FAM53A: variants seen among roughly 807,000 people sequenced by gnomAD.
FAM53A encodes family with sequence similarity 53 member A.
In FAM53A, 28 loss-of-function variants were observed where a neutral mutation model predicts 26.6. That is an observed-to-expected ratio of 1.05 (90% CI 0.78 to 1.45). The LOEUF (loss-of-function observed/expected upper bound fraction) is 1.45, where lower values mean the gene tolerates loss of function less well. Ranked by LOEUF, FAM53A falls within the 40% of genes most tolerant of loss-of-function variation. The pLI is 0.00. For synonymous variants in FAM53A, 290 were observed against 253.1 expected, an observed-to-expected ratio of 1.15 and a Z score of -1.38; for missense variants, 650 against 575.8, an observed-to-expected ratio of 1.13 and a Z score of -1.32.
At chr4:1,590,977 T>TATAC in the FAM53A span, among the ~76,000 whole-genome samples, 1 of 127,884 alleles carries the variant, frequency 7.8e-6, no homozygotes, top group Non-Finnish European at 1.7e-5. Flanking sequence ...TATATATATA[T>TATAC]ATATATATAT....
At chr4:1,614,389 G>GTGAGGGGCATGCAGAGACA (rs1714732250), downstream of FAM53A, among the ~76,000 whole-genome samples, 5 of 140,584 alleles carry the variant, frequency 3.6e-5, no homozygotes, top group African/African-American at 1.5e-4. Context: ...ATGCAGAGAC[G>GTGAGGGGCATGCAGAGACA]TGAGGGGCAT....
chr4:1,648,246 C>T (rs1266492454), intron 4 of FAM53A, among the ~76,000 whole-genome samples: 3 of 152,124 alleles, frequency 2.0e-5, no homozygotes, highest in Non-Finnish European at 2.9e-5. Flanking sequence ...TGACAGGTAA[C>T]CCAGGCTGGG....
chr4:1,610,079 T>C, the FAM53A span, among the ~76,000 whole-genome samples: 1,947 of 150,160 alleles, frequency 0.013, 143 homozygotes, highest in East Asian at 0.23. Flanking sequence ...GAGATGGGTG[T>C]CTCAGCCCCT....
At chr4:1,658,522 C>T (rs947229311) in intron 2 of FAM53A, among the ~76,000 whole-genome samples, 2 of 152,262 alleles carry the variant, frequency 1.3e-5, no homozygotes, top group Non-Finnish European at 2.9e-5. Context: ...GCGCCTAAGC[C>T]AGGCTCTGGA....
At chr4:1,583,594 C>T in the FAM53A span, among the ~76,000 whole-genome samples, 1 of 152,262 alleles carries the variant, frequency 6.6e-6, no homozygotes, top group Non-Finnish European at 1.5e-5. Context: ...GTGTGCACAA[C>T]CCTCCCAGTC....
chr4:1,681,941 C>G (rs949409647), intron 1 of FAM53A, among the ~76,000 whole-genome samples: 6 of 152,222 alleles, frequency 3.9e-5, no homozygotes, highest in African/African-American at 1.4e-4. Context: ...AAGGTGAGCT[C>G]TGGACAGCTG....
At chr4:1,617,783 G>A (rs1289794915), downstream of FAM53A, 3 of 323,582 alleles carry the variant, frequency 9.3e-6, no homozygotes, top group Non-Finnish European at 1.8e-5. Flanking sequence ...TTCTCACTGG[G>A]TATAGCATTC....
downstream of FAM53A, chr4:1,639,776 AC>A (rs1711520726): frequency 6.6e-6 from 1 of 152,260 alleles, no homozygotes; most frequent in African/African-American, 2.4e-5. Context: ...ACCTTTGCCC[AC>A]CTTTGATCTG....
the FAM53A span, among the ~76,000 whole-genome samples, chr4:1,586,234 C>A: frequency 6.6e-6 from 1 of 151,886 alleles, no homozygotes; most frequent in African/African-American, 2.4e-5. Flanking sequence ...CCTCTTGTTG[C>A]CCAGGCTGGA....
At chr4:1,632,649 C>T (rs1269734469) in intron 1 of FAM53A, among the ~76,000 whole-genome samples, 1 of 152,400 alleles carries the variant, frequency 6.6e-6, no homozygotes, top group East Asian at 1.9e-4. Flanking sequence ...CCTCTCATCA[C>T]CATCCTTGAC....
intron 4 of FAM53A, among the ~76,000 whole-genome samples, chr4:1,642,475 G>A (rs1321405391): frequency 6.6e-6 from 1 of 152,054 alleles, no homozygotes; most frequent in African/African-American, 2.4e-5. Flanking sequence ...CCTTCCCAAG[G>A]CCTGTTAGGA....
At chr4:1,617,793 C>T, downstream of FAM53A, 1 of 331,172 alleles carries the variant, frequency 3.0e-6, no homozygotes, top group South Asian at 2.4e-5. Flanking sequence ...GTATAGCATT[C>T]TGGGTTGACG....
the FAM53A span, among the ~76,000 whole-genome samples, chr4:1,596,898 G>A: frequency 6.6e-6 from 1 of 152,136 alleles, no homozygotes; most frequent in Non-Finnish European, 1.5e-5. Flanking sequence ...AGAGACAGAG[G>A]GAGAAACGGA....
Position 1,630,642 on chromosome 4 carries a change from TA to T in FAM53A, c.432-12532del, listed in dbSNP as rs1015745859. Among the ~76,000 whole-genome samples the T allele has an allele frequency of 1.4e-4, 22 of 152,160 alleles. No homozygotes were observed. The highest frequency in any genetic ancestry group is 2.8e-4 in the Non-Finnish European group (19 of 67,986). On this transcript the variant is annotated intron_variant, in intron 1 of 1. Transcript: ENST00000489029. The surrounding 1 kb of genome is among the most constrained non-coding windows in gnomAD (Gnocchi z 4.3). ...CCCAAGACAGGCCAGGAGCCTGCTC[TA>T]AACACCATCGTGGAAGCCAGACAGA...
At chr4:1,665,503 G>C (rs1379884058) in intron 2 of FAM53A, among the ~76,000 whole-genome samples, 1 of 150,180 alleles carries the variant, frequency 6.7e-6, no homozygotes, top group Non-Finnish European at 1.5e-5. Context: ...AAAAAAAAAA[G>C]TAAAAAGACT....
At chr4:1,590,935 T>C in the FAM53A span, among the ~76,000 whole-genome samples, 1 of 138,152 alleles carries the variant, frequency 7.2e-6, no homozygotes, top group Non-Finnish European at 1.6e-5. Context: ...TTATATGTTC[T>C]AAGACTATAT....
At chr4:1,625,093 G>A (rs1275713244) in intron 1 of FAM53A, among the ~76,000 whole-genome samples, 1 of 109,734 alleles carries the variant, frequency 9.1e-6, no homozygotes, top group Non-Finnish European at 1.7e-5. Context: ...CACGCCAGGT[G>A]ATCAGAAGCC....
the FAM53A span, among the ~76,000 whole-genome samples, chr4:1,591,874 C>T: frequency 6.6e-6 from 1 of 152,222 alleles, no homozygotes; most frequent in Non-Finnish European, 1.5e-5. Flanking sequence ...CCCCGAAGGC[C>T]AGCTGCCCAC....
chr4:1,666,592 C>T (rs537179156), intron 2 of FAM53A, among the ~76,000 whole-genome samples: 52 of 152,388 alleles, frequency 3.4e-4, no homozygotes, highest in Middle Eastern at 3.4e-3. Context: ...CCCTGGCTGA[C>T]GTCCACTTGC....
Sources: allele counts gnomAD v4.1 joint callset (sites outside exome capture counted in the v4.1 genomes callset), GRCh38; gene constraint gnomAD v4.1.1; non-coding constraint Gnocchi (gnomAD v3.1); transcripts MANE v1.5; gene names NCBI Gene and HGNC (gene_info 2026-07-23, HGNC 2026-07-21).